The following SPATA9 variants were observed in gnomAD, a reference collection of about 807,000 sequenced individuals.
The protein encoded by SPATA9 is spermatogenesis associated 9, also known as spermatogenesis-associated protein 9.
SPATA9 carries 27 observed loss-of-function variants against 25.5 expected under a neutral mutation model. The observed-to-expected ratio is 1.06, with a 90% CI of 0.78 to 1.46. The LOEUF is 1.46. Among genes scored for constraint, SPATA9 ranks in the 40% most tolerant of loss-of-function variants. SPATA9 has a pLI of 0.00. For synonymous variants in SPATA9, 102 were observed against 105.7 expected, an observed-to-expected ratio of 0.97 and a Z score of 0.21; for missense variants, 282 against 297.5, an observed-to-expected ratio of 0.95 and a Z score of 0.38.
the SPATA9 span, chr5:95,731,330 AGCGGCAGCAGGAG>A: frequency 1.0e-5 from 11 of 1,090,042 alleles, no homozygotes; most frequent in Non-Finnish European, 1.0e-5. Context: ...GAGCAGCGGC[AGCGGCAGCAGGAG>A]GCGACAGCTG....
the SPATA9 span, among the ~76,000 whole-genome samples, chr5:95,704,893 C>T: frequency 6.6e-6 from 1 of 151,830 alleles, no homozygotes; most frequent in African/African-American, 2.4e-5. Flanking sequence ...AGAGTGTACC[C>T]TTCAAACTTG....
At chr5:95,706,650 T>A in the SPATA9 span, among the ~76,000 whole-genome samples, 2 of 152,070 alleles carry the variant, frequency 1.3e-5, no homozygotes, top group Admixed American at 1.3e-4. Context: ...GTAAATTAAG[T>A]TGTTTCTCTC....
chr5:95,720,434 T>A, the SPATA9 span, among the ~76,000 whole-genome samples: 3 of 152,240 alleles, frequency 2.0e-5, no homozygotes, highest in Admixed American at 1.3e-4. Flanking sequence ...TTATATTAGA[T>A]CATAGTGAGT....
chr5:95,719,616 T>C, the SPATA9 span: 1 of 152,216 alleles, frequency 6.6e-6, no homozygotes, highest in Non-Finnish European at 1.5e-5. Context: ...AAAAAACATA[T>C]ATACATTACA....
At chr5:95,675,374 TAAAAAAGGGGAA>T in intron 3 of SPATA9, 26 bp downstream of exon 3, 1 of 1,537,478 alleles carries the variant, frequency 6.5e-7, no homozygotes, top group Non-Finnish European at 8.8e-7. Flanking sequence ...AAAAGTTTCT[TAAAAAAGGGGAA>T]TTGTGCATAT....
At chr5:95,656,186 A>G (rs751834509), downstream of SPATA9, 2 of 1,614,098 alleles carry the variant, frequency 1.2e-6, no homozygotes. Flanking sequence ...GAATAAAGCA[A>G]AGGATTCACA....
intron 1 of SPATA9, among the ~76,000 whole-genome samples, chr5:95,696,068 G>A (rs940943023): frequency 1.4e-4 from 22 of 152,188 alleles, no homozygotes; most frequent in Non-Finnish European, 4.4e-5. Context: ...TAGCCATATA[G>A]TGAGCTTAAA....
chr5:95,698,349 T>C (rs1754090388), intron 1 of SPATA9, among the ~76,000 whole-genome samples: 1 of 152,198 alleles, frequency 6.6e-6, no homozygotes, highest in Non-Finnish European at 1.5e-5. Flanking sequence ...AGCTGTGGAC[T>C]TGATGCAAGC....
chr5:95,707,306 A>C, the SPATA9 span, among the ~76,000 whole-genome samples: 2 of 152,192 alleles, frequency 1.3e-5, no homozygotes, highest in Non-Finnish European at 2.9e-5. Context: ...GATTAGTTAA[A>C]ACAGACATGG....
chr5:95,654,034 T>A, downstream of SPATA9: 1 of 1,596,018 alleles, frequency 6.3e-7, no homozygotes, highest in Non-Finnish European at 8.5e-7. Context: ...ATACTTCTTG[T>A]AACTTTCCTT....
chr5:95,705,485 GTT>G, the SPATA9 span, among the ~76,000 whole-genome samples: 1 of 152,044 alleles, frequency 6.6e-6, no homozygotes, highest in Non-Finnish European at 1.5e-5. Flanking sequence ...ACAACAAAAA[GTT>G]CTCTGATTTT....
intron 2 of SPATA9, among the ~76,000 whole-genome samples, chr5:95,679,225 T>A (rs544153441): frequency 6.6e-6 from 1 of 152,324 alleles, no homozygotes; most frequent in African/African-American, 2.4e-5. Flanking sequence ...ATAACAAGGT[T>A]TTCCATGCCT....
upstream of SPATA9, among the ~76,000 whole-genome samples, chr5:95,702,618 G>A (rs1472335533): frequency 6.6e-6 from 1 of 152,136 alleles, no homozygotes; most frequent in Admixed American, 6.5e-5. Flanking sequence ...GCTCACACCT[G>A]TAATCCCAGC....
chr5:95,656,882 C>T (rs1418477374), downstream of SPATA9: 2 of 152,058 alleles, frequency 1.3e-5, no homozygotes, highest in Admixed American at 1.3e-4. Context: ...AAATGTTCAC[C>T]TCTGAACTGT....
chr5:95,729,684 T>A, the SPATA9 span, among the ~76,000 whole-genome samples: 10 of 152,162 alleles, frequency 6.6e-5, no homozygotes, highest in Non-Finnish European at 8.8e-5. Flanking sequence ...CCTTTTCCCC[T>A]CTCCCCAGCC....
intron 3 of SPATA9, among the ~76,000 whole-genome samples, chr5:95,668,623 TA>T (rs1466263784): frequency 6.6e-6 from 1 of 152,234 alleles, no homozygotes; most frequent in African/African-American, 2.4e-5. Context: ...ATATTTGAGT[TA>T]AAAAATGTCT....
chr5:95,679,586 A>G (rs1279626480), intron 2 of SPATA9, among the ~76,000 whole-genome samples: 1 of 152,050 alleles, frequency 6.6e-6, no homozygotes, highest in Non-Finnish European at 1.5e-5. Flanking sequence ...CCCTCCTCAA[A>G]CACTAGACCC....
At chr5:95,700,479 TC>T (rs1754152432), upstream of SPATA9, among the ~76,000 whole-genome samples, 1 of 152,114 alleles carries the variant, frequency 6.6e-6, no homozygotes, top group Non-Finnish European at 1.5e-5. Context: ...TTTATATTTT[TC>T]ATAGAGACAG....
the SPATA9 span, among the ~76,000 whole-genome samples, chr5:95,723,980 T>A: frequency 2.6e-5 from 4 of 152,206 alleles, no homozygotes; most frequent in Admixed American, 2.0e-4. Context: ...TTTTAATAGA[T>A]GAGATAAAGA....
Sources: gnomAD v4.1 joint callset for allele counts (sites outside exome capture counted in the v4.1 genomes callset) on GRCh38, gnomAD v4.1.1 for gene constraint, MANE v1.5 for transcripts, NCBI Gene and HGNC (gene_info 2026-07-23, HGNC 2026-07-21) for gene names.